TTC8: variants seen among roughly 807,000 people sequenced by gnomAD.
TTC8 encodes the protein tetratricopeptide repeat protein 8.
In TTC8, 47 loss-of-function variants were observed where a neutral mutation model predicts 72.5. That is an observed-to-expected ratio of 0.65 (90% CI 0.51 to 0.83). The LOEUF is 0.83. Ranked by LOEUF, TTC8 falls within the 40% of genes least tolerant of loss-of-function variation. The probability of loss-of-function intolerance (pLI) is 0.00; values close to 1 mark genes in which losing one functional copy is unlikely to be tolerated. For missense variants in TTC8, 611 were observed against 623.2 expected (o/e 0.98, Z 0.21); for synonymous variants, 199 against 221.4 (o/e 0.90, Z 0.90).
chr14:88,847,621 AG>A (rs1031661010), intron 7 of TTC8, among the ~76,000 whole-genome samples: 18 of 152,300 alleles, frequency 1.2e-4, no homozygotes, highest in African/African-American at 4.1e-4. Flanking sequence ...TCAATGAAGA[AG>A]AAAAAAAATT....
At position 88,843,847 on chromosome 14, in the gene TTC8, G is replaced by T; in HGVS notation, c.621G>T (p.Lys207Asn). Reference protein sequence around the residue: ...EYIFHHENDVKTALDLAALST... With the variant: ...EYIFHHENDVNTALDLAALST... ...TCTTTCATCATGAAAATGATGTTAA[G>T]ACTGTAAGTTTTGAATTCATGCTAT... Residue 207 changes from lysine to asparagine, a missense_variant, in exon 7 of 15, where the codon AAG (lysine) becomes AAT (asparagine). Coordinates refer to ENST00000380656, the MANE Select transcript of TTC8 (RefSeq NM_144596.4). 6.3e-7 allele frequency: 1 copy of T among 1,588,064 alleles called. No individual in the cohort carries two copies. The highest frequency in any genetic ancestry group is 8.6e-7 in the Non-Finnish European group (1 of 1,162,642).
At chr14:88,832,488 T>A (rs1224943550) in intron 1 of TTC8, among the ~76,000 whole-genome samples, 2 of 152,156 alleles carry the variant, frequency 1.3e-5, no homozygotes, top group African/African-American at 4.8e-5. Context: ...CTTTTTTTTT[T>A]AATCTCCAAG....
chr14:88,835,903 A>G lies in TTC8; in HGVS notation c.144+2181A>G, dbSNP rs2094748405. On this transcript the variant is annotated intron_variant, in intron 2 of 14. Transcript: ENST00000380656. ...TTCTGCTGTTTTCATTAAAATCTCA[A>G]GAATTGTTCACATTGCCAGGAGCAG... Among the ~76,000 whole-genome samples, 4 of 152,128 alleles carry G rather than the reference A, an allele frequency of 2.6e-5. No individual in the cohort carries two copies. In the South Asian group the frequency reaches 8.3e-4, roughly 32 times the overall value.
At chr14:88,878,970 C>T (rs1195459539), downstream of TTC8, 1 of 152,166 alleles carries the variant, frequency 6.6e-6, no homozygotes, top group East Asian at 1.9e-4. Flanking sequence ...TGAGTGTGTG[C>T]TCTTAATCAC....
In TTC8 at chr14:88,839,300, T is replaced by A. The variant is rs1055416966; in HGVS notation, c.145-152T>A. Reference sequence around the variant, plus strand: ...AATGATGGCTTCTTGTATTAGTTTTTGACATGGCCCTTTAAATTAAAATAA... The same window carrying A: ...AATGATGGCTTCTTGTATTAGTTTTAGACATGGCCCTTTAAATTAAAATAA... On this transcript the variant is annotated intron_variant, in intron 2 of 14. Coordinates refer to ENST00000380656, the MANE Select transcript of TTC8 (RefSeq NM_144596.4). The A allele has an allele frequency of 3.2e-5, 23 of 721,498 alleles. No homozygotes were observed. In the African/African-American group the frequency reaches 3.8e-4, roughly 12 times the overall value. The allele number at this position is 721,498 out of a possible 1,614,324, so 44.7% of individuals were successfully genotyped here. A position where few individuals can be genotyped will look rare whatever the true frequency, so the allele number is the denominator to read the frequency against.
chr14:88,865,333 C>T lies in TTC8; in HGVS notation c.909+4001C>T, dbSNP rs1323156264. 8.5e-5 allele frequency among the ~76,000 whole-genome samples: 13 copies of T among 152,298 alleles called. No homozygotes were observed. The South Asian group carries it at 2.3e-3, about 27-fold the overall frequency. The stretch of plus-strand genomic sequence containing the variant: ...GGCATCTGGATTTTTAGCAAGCCCA[C>T]TAGGTGATTGATTCTGTTGCAGAAC... On this transcript the variant is annotated intron_variant, in intron 10 of 14. Coordinates refer to ENST00000380656, the MANE Select transcript of TTC8 (RefSeq NM_144596.4).
intron 13 of TTC8, among the ~76,000 whole-genome samples, chr14:88,874,528 A>G (rs2094948821): frequency 6.6e-6 from 1 of 152,160 alleles, no homozygotes; most frequent in Non-Finnish European, 1.5e-5. Context: ...TCAGCACTAT[A>G]TTAAATACTT....
chr14:88,865,644 G>A (rs1347390156), intron 10 of TTC8, among the ~76,000 whole-genome samples: 1 of 151,690 alleles, frequency 6.6e-6, no homozygotes, highest in East Asian at 1.9e-4. Flanking sequence ...CTCCAGTCTG[G>A]GCAACAAGAG....
At chr14:88,843,496 ATG>A (rs1392569102) in intron 6 of TTC8, among the ~76,000 whole-genome samples, 2 of 152,188 alleles carry the variant, frequency 1.3e-5, no homozygotes, top group Admixed American at 1.3e-4. Flanking sequence ...TGTATAATAT[ATG>A]TAGAGAATAT....
At chr14:88,833,572 T>A in intron 1 of TTC8, 121 bp from the exon 2 acceptor site, 1 of 826,828 alleles carries the variant, frequency 1.2e-6, no homozygotes, top group African/African-American at 1.7e-5. Flanking sequence ...TAAAGTTAAT[T>A]TTTTGGATTC....
At chr14:88,860,029 G>A (rs2094878420) in intron 9 of TTC8, among the ~76,000 whole-genome samples, 1 of 147,618 alleles carries the variant, frequency 6.8e-6, no homozygotes, top group Admixed American at 6.8e-5. Context: ...AGATCAAGCA[G>A]ATTTTAGGAA....
At chr14:88,828,345 G>A (rs1472174784) in intron 1 of TTC8, among the ~76,000 whole-genome samples, 1 of 152,160 alleles carries the variant, frequency 6.6e-6, no homozygotes, top group Non-Finnish European at 1.5e-5. Context: ...TAACAGAAAT[G>A]TGACCAGAGC....
Position 88,824,661 on chromosome 14 carries a change from C to A in TTC8, c.-47C>A. 6.7e-7 allele frequency: 1 copy of A among 1,499,756 alleles called. No individual in the cohort carries two copies. The allele number at this position is 1,499,756 out of a possible 1,614,324, so 92.9% of individuals were successfully genotyped here. A position where few individuals can be genotyped will look rare whatever the true frequency, so the allele number is the denominator to read the frequency against. On this transcript the variant is annotated 5_prime_UTR_variant, in exon 1 of 15. Coordinates refer to ENST00000380656, the MANE Select transcript of TTC8 (RefSeq NM_144596.4). ...CGCCGCCAGCTCTTCACTCCACGCCCACCTCTCTCCTGGAGCGCTGGGCCT... is the reference window on the plus strand; with the variant it reads ...CGCCGCCAGCTCTTCACTCCACGCCAACCTCTCTCCTGGAGCGCTGGGCCT...
chr14:88,825,673 A>G (rs2094696205), intron 1 of TTC8, among the ~76,000 whole-genome samples: 1 of 152,354 alleles, frequency 6.6e-6, no homozygotes, highest in Admixed American at 6.5e-5. Context: ...ACGTAGTTCT[A>G]GTTCCCTAGC....
In TTC8 at chr14:88,877,834, T is replaced by G. The variant is rs2094963386; in HGVS notation, c.*424T>G. The G allele has an allele frequency of 6.4e-6, 1 of 155,490 alleles. No individual in the cohort carries two copies. Among genetic ancestry groups the G allele is most frequent in the Admixed American group, 6.4e-5 (1 of 15,688 alleles). The allele number at this position is 155,490 out of a possible 1,614,324, so 9.6% of individuals were successfully genotyped here. On this transcript the variant is annotated 3_prime_UTR_variant, in exon 15 of 15. Coordinates refer to ENST00000380656, the MANE Select transcript of TTC8 (RefSeq NM_144596.4). ...CACCTTTAAGCCAGGTGTGGTAGCATGTGCCTATAGTCCCAGCTACTTGGG... is the reference window on the plus strand; with the variant it reads ...CACCTTTAAGCCAGGTGTGGTAGCAGGTGCCTATAGTCCCAGCTACTTGGG...
chr14:88,856,181 C>G (rs1245873018), intron 8 of TTC8, among the ~76,000 whole-genome samples: 1 of 152,134 alleles, frequency 6.6e-6, no homozygotes, highest in African/African-American at 2.4e-5. Flanking sequence ...TAAATACTCC[C>G]TGTGAAACTG....
intron 9 of TTC8, among the ~76,000 whole-genome samples, chr14:88,859,502 C>A (rs927860392): frequency 1.3e-5 from 2 of 152,030 alleles, no homozygotes; most frequent in Non-Finnish European, 2.9e-5. Flanking sequence ...GCAGCAGACA[C>A]TGGGGCCTCC....
chr14:88,857,154 A>C (rs753385926), intron 8 of TTC8, 36 bp from the exon 9 acceptor site: 1 of 1,579,848 alleles, frequency 6.3e-7, no homozygotes, highest in Non-Finnish European at 8.7e-7. Flanking sequence ...TTTATTTTTA[A>C]GTTGAATGTC....
At chr14:88,861,373 T>C (rs377013967) in intron 10 of TTC8, 41 bp downstream of exon 10, 1 of 1,408,462 alleles carries the variant, frequency 7.1e-7, no homozygotes, top group Non-Finnish European at 9.9e-7. Context: ...TGATACACAA[T>C]AGTTTTACAT....
Sources: gnomAD v4.1 joint callset for allele counts (sites outside exome capture counted in the v4.1 genomes callset) on GRCh38, gnomAD v4.1.1 for gene constraint, MANE v1.5 for transcripts, NCBI Gene and HGNC (gene_info 2026-07-23, HGNC 2026-07-21) for gene names.